The following STAG3 variants were observed in gnomAD, a reference collection of about 807,000 sequenced individuals.
STAG3 encodes cohesin subunit SA-3.
A neutral mutation model predicts 160.7 loss-of-function variants in STAG3; 101 were observed. The observed-to-expected ratio is 0.63, with a 90% CI of 0.54 to 0.74. The LOEUF (loss-of-function observed/expected upper bound fraction) is 0.74. Ranked by LOEUF, STAG3 falls within the 30% of genes least tolerant of loss-of-function variation. The pLI, the probability that STAG3 is intolerant of heterozygous loss-of-function variation, is 0.00. For missense variants in STAG3, 1,188 were observed against 1,517.4 expected, an observed-to-expected ratio of 0.78 and a Z score of 3.61; for synonymous variants, 519 against 585.0, an observed-to-expected ratio of 0.89 and a Z score of 1.63.
intron 8 of STAG3, among the ~76,000 whole-genome samples, chr7:100,192,939 TG>T (rs1393461132): frequency 6.6e-6 from 1 of 152,222 alleles, no homozygotes; most frequent in Admixed American, 6.5e-5. Flanking sequence ...GGAATCACTG[TG>T]GCAGCTATAG....
chr7:100,188,843 G>A lies in STAG3; in HGVS notation c.542G>A (p.Gly181Asp). 2 of 1,614,096 alleles carry A rather than the reference G, an allele frequency of 1.2e-6. No homozygotes were observed. The highest frequency in any genetic ancestry group is 1.7e-6 in the Non-Finnish European group (2 of 1,180,024). ...GGGGACTACCCTCTCATAGCTCCAG[G>A]TCCATCCTGGAAGAAGTTCCAGGGC... is the stretch of plus-strand genomic sequence containing the variant. ...DSGDYPLIAP[G>D]PSWKKFQGSF... is the part of the protein sequence containing the mutation. The change falls in exon 7 of 34, where the codon GGT becomes GAT. Residue 181 changes from glycine (G) to aspartate (D), a missense_variant. This residue lies in a region of STAG3 where 296 missense variants were observed against 404.0 expected (regional missense o/e 0.73). Coordinates refer to ENST00000615138, the MANE Select transcript of STAG3 (RefSeq NM_001282717.2).
At chr7:100,185,027 C>G (rs1200996195) in intron 4 of STAG3, among the ~76,000 whole-genome samples, 1 of 151,850 alleles carries the variant, frequency 6.6e-6, no homozygotes, top group South Asian at 2.1e-4. Flanking sequence ...TGACAGTTGT[C>G]TGGGGACACT....
Position 100,189,591 on chromosome 7 carries a change from A to G in STAG3, c.862A>G (p.Lys288Glu), listed in dbSNP as rs1443360656. The change falls in exon 8 of 34, where the codon AAA becomes GAA. Residue 288 changes from lysine (K) to glutamate (E), a missense_variant. Lys to Glu is a moderately conservative substitution (Grantham distance 56, BLOSUM62 1). This residue lies in a region of STAG3 where 296 missense variants were observed against 404.0 expected (regional missense o/e 0.73). Transcript: ENST00000615138. ...GCTGGAGAGCCTGTTGGAGAAACGCAAAGAGGTGAGGAGTGTTCCCTGCTT... is the reference window on the plus strand; with the variant it reads ...GCTGGAGAGCCTGTTGGAGAAACGCGAAGAGGTGAGGAGTGTTCCCTGCTT... ...ERLESLLEKRKELQEHQEEIE... is the reference protein window; with the variant it reads ...ERLESLLEKREELQEHQEEIE... 11 of 1,612,996 alleles carry G rather than the reference A, an allele frequency of 6.8e-6. No homozygotes were observed. Among genetic ancestry groups the G allele is most frequent in the Non-Finnish European group, 9.3e-6 (11 of 1,179,640 alleles).
chr7:100,187,887 G>A (rs1800126796), intron 5 of STAG3, among the ~76,000 whole-genome samples: 1 of 151,330 alleles, frequency 6.6e-6, no homozygotes, highest in Non-Finnish European at 1.5e-5. Context: ...CTCCCGAGTA[G>A]CTGGGATTAC....
chr7:100,182,628 A>G, intron 3 of STAG3, 95 bp from the exon 4 acceptor site: 1 of 1,327,028 alleles, frequency 7.5e-7, no homozygotes, highest in South Asian at 1.3e-5. Flanking sequence ...TGGCAGCTTA[A>G]GCCTACTTGT....
intron 21 of STAG3, 96 bp from the exon 22 acceptor site, chr7:100,201,690 T>C: frequency 1.9e-6 from 2 of 1,037,056 alleles, no homozygotes; most frequent in South Asian, 2.6e-5. Context: ...GCTCTCCCTT[T>C]ACTCATTTTC....
intron 8 of STAG3, among the ~76,000 whole-genome samples, chr7:100,194,345 T>A (rs1337216353): frequency 6.6e-6 from 1 of 152,196 alleles, no homozygotes; most frequent in Non-Finnish European, 1.5e-5. Flanking sequence ...CTAATTACAA[T>A]ATTTTTGTGT....
intron 8 of STAG3, among the ~76,000 whole-genome samples, chr7:100,192,682 C>G (rs1173846697): frequency 6.6e-6 from 1 of 152,216 alleles, no homozygotes; most frequent in Non-Finnish European, 1.5e-5. Flanking sequence ...CCCCAACCTC[C>G]TGTGCTCAAG....
intron 25 of STAG3, among the ~76,000 whole-genome samples, chr7:100,202,927 C>T (rs974022540): frequency 6.6e-6 from 1 of 152,166 alleles, no homozygotes; most frequent in South Asian, 2.1e-4. Context: ...TCACAGGATA[C>T]CTAGATAGGT....
chr7:100,218,845 C>T (rs1802996432), downstream of STAG3: 1 of 225,496 alleles, frequency 4.4e-6, no homozygotes, highest in South Asian at 5.8e-5. Flanking sequence ...AAAGGATTCA[C>T]AAAACGTGTC....
In STAG3 at chr7:100,198,600, T is replaced by C. The variant is rs1026254649; in HGVS notation, c.1352+18T>C. 8.7e-6 allele frequency: 14 copies of C among 1,605,578 alleles called. No individual in the cohort carries two copies. Among genetic ancestry groups the C allele is most frequent in the African/African-American group, 5.4e-5 (4 of 74,750 alleles). ...TACTGGAAGTGAGTGGGGCTCCTTT[T>C]ATGTTTCTTTAACACCACGCTCTCG... On this transcript the variant is annotated intron_variant, in intron 13 of 33. Transcript: ENST00000615138.
chr7:100,200,603 C>G lies in STAG3; in HGVS notation c.1860+61C>G, dbSNP rs1260008958. On this transcript the variant is annotated intron_variant, in intron 18 of 33. Transcript: ENST00000615138. Reference sequence around the variant, plus strand: ...CTGCCAGGGCCAAAGGGTTCTATTGCCAGTATCTTTTTTTCCTAAGAACTT... The same window carrying G: ...CTGCCAGGGCCAAAGGGTTCTATTGGCAGTATCTTTTTTTCCTAAGAACTT... The G allele has an allele frequency of 1.9e-6, 3 of 1,574,918 alleles. No individual in the cohort carries two copies. The Admixed American group carries it at 5.3e-5, about 28-fold the overall frequency.
chr7:100,197,426 A>G, intron 10 of STAG3, 147 bp downstream of exon 10: 1 of 1,091,008 alleles, frequency 9.2e-7, no homozygotes. Flanking sequence ...AAATTCCCCT[A>G]GCACTGGGGA....
rs957455264 is a variant in STAG3, at chr7:100,184,471, T to G, written c.336+1632T>G. 9.4e-5 allele frequency among the ~76,000 whole-genome samples: 13 copies of G among 138,942 alleles called. No homozygotes were observed. The Admixed American group carries it at 9.4e-4, about 10-fold the overall frequency. The allele number at this position is 138,942 out of a possible 152,430, so 91.2% of individuals were successfully genotyped here. Reference sequence around the variant, plus strand: ...AGTTGTACAGCGTGTTAGTTTTTTTTTTTTTTTTTTTTTTTGAGACGGAGT... The same window carrying G: ...AGTTGTACAGCGTGTTAGTTTTTTTGTTTTTTTTTTTTTTTGAGACGGAGT... On this transcript the variant is annotated intron_variant, in intron 4 of 33. Coordinates refer to ENST00000615138, the MANE Select transcript of STAG3 (RefSeq NM_001282717.2).
chr7:100,211,039 C>G lies in STAG3; in HGVS notation c.3267C>G (p.Val1089=), dbSNP rs1234671332. Reference sequence around the variant, plus strand: ...CTGCCAAGCCTAACAGAGAGGACGTCTCCTCGTCCCAGGAAGAAAGTCTGC... The same window carrying G: ...CTGCCAAGCCTAACAGAGAGGACGTGTCCTCGTCCCAGGAAGAAAGTCTGC... The part of the protein sequence containing the change: ...EGPAKPNRED[V]SSSQEESLQL... Residue 1089 remains valine, a synonymous_variant, in exon 30 of 34, where the codon GTC becomes GTG. Coordinates refer to ENST00000615138, the MANE Select transcript of STAG3 (RefSeq NM_001282717.2). The G allele has an allele frequency of 6.8e-6, 11 of 1,613,786 alleles. No individual in the cohort carries two copies. Among genetic ancestry groups the G allele is most frequent in the Non-Finnish European group, 7.6e-6 (9 of 1,179,948 alleles).
intron 9 of STAG3, among the ~76,000 whole-genome samples, chr7:100,196,750 C>T (rs964364764): frequency 2.0e-5 from 3 of 151,960 alleles, no homozygotes; most frequent in Non-Finnish European, 2.9e-5. Flanking sequence ...GAGATTGTGC[C>T]GCTGCACTCC....
chr7:100,199,899 C>CAAA lies in STAG3; in HGVS notation c.1677+270_1677+272dup, dbSNP rs11383220. Among the ~76,000 whole-genome samples the CAAA allele has an allele frequency of 3.6e-3, 440 of 122,264 alleles. 5 individuals carry two copies. Among genetic ancestry groups the CAAA allele is most frequent in the African/African-American group, 5.2e-3 (167 of 32,132 alleles). The allele number at this position is 122,264 out of a possible 152,430, so 80.2% of individuals were successfully genotyped here. On this transcript the variant is annotated intron_variant, in intron 16 of 33. Transcript: ENST00000615138. The stretch of plus-strand genomic sequence containing the variant: ...TGAAACCCTGTCTCTACTAAAAATA[C>CAAA]AAAAAAAAAAAAAAAAATTAGCTGG...
At chr7:100,217,255 T>C (rs1802840462), downstream of STAG3, among the ~76,000 whole-genome samples, 1 of 152,196 alleles carries the variant, frequency 6.6e-6, no homozygotes, top group Non-Finnish European at 1.5e-5. Flanking sequence ...CAGGCTCAGC[T>C]GTGAAGGGTT....
In STAG3 at chr7:100,202,187, A is replaced by G. The variant is rs771846958; in HGVS notation, c.2410A>G (p.Ser804Gly). The change falls in exon 24 of 34, where the codon AGT (serine) becomes GGT (glycine). Residue 804 changes from serine (S) to glycine (G), a missense_variant. Ser to Gly is a moderately conservative substitution (Grantham distance 56, BLOSUM62 0). Coordinates refer to ENST00000615138, the MANE Select transcript of STAG3 (RefSeq NM_001282717.2). ...CCCCCTACAGGCTTTTGTCTTATTA[A>G]GTGATCTACTTCTCATCTTTAGCCC... ...EIQEQAFVLL[S>G]DLLLIFSPQM... The G allele has an allele frequency of 8.1e-6, 13 of 1,613,222 alleles. No homozygotes were observed. In the African/African-American group the frequency reaches 1.6e-4, roughly 20 times the overall value.
Sources: allele counts gnomAD v4.1 joint callset (sites outside exome capture counted in the v4.1 genomes callset), GRCh38; gene constraint gnomAD v4.1.1; regional missense constraint gnomAD v4.1.1; transcripts MANE v1.5; gene names NCBI Gene and HGNC (gene_info 2026-07-23, HGNC 2026-07-21).